Variants in ZBTB20 observed in about 807,000 individuals in gnomAD.
ZBTB20 encodes the protein zinc finger and BTB domain-containing protein 20.
A neutral mutation model predicts 56.9 loss-of-function variants in ZBTB20; 9 were observed. The ratio of observed to expected loss-of-function variants is 0.16; its 90% CI spans 0.10 to 0.28. ZBTB20 has a LOEUF of 0.28. Among genes scored for constraint, ZBTB20 ranks in the 10% least tolerant of loss-of-function variants. The pLI, the probability that ZBTB20 is intolerant of heterozygous loss-of-function variation, is 1.00. For missense variants in ZBTB20, 655 were observed against 1,003.0 expected (o/e 0.65, Z 4.69); for synonymous variants, 417 against 420.7 (o/e 0.99, Z 0.11).
chr3:114,493,126 C>T lies in ZBTB20; in HGVS notation c.-255+7226G>A, dbSNP rs116304423. On this transcript the variant is annotated intron_variant, in intron 7 of 11. Transcript: ENST00000675478. ...AGTGCTATATAGATAAGAATCGTAA[C>T]AGTACATCATCTTGAGATTAGCTTT... Among the ~76,000 whole-genome samples the T allele has an allele frequency of 9.7e-3, 1,475 of 152,300 alleles. 23 individuals carry two copies. Among genetic ancestry groups the T allele is most frequent in the African/African-American group, 0.033 (1,359 of 41,554 alleles).
chr3:114,994,461 T>A (rs2078946967), intron 2 of ZBTB20, among the ~76,000 whole-genome samples: 1 of 151,864 alleles, frequency 6.6e-6, no homozygotes, highest in South Asian at 2.1e-4. Context: ...GCACTTAGTG[T>A]CTTAGTAATA....
In ZBTB20 at chr3:114,338,448, A is replaced by G. The variant is rs2079537183; in HGVS notation, c.*557T>C. On this transcript the variant is annotated 3_prime_UTR_variant, in exon 12 of 12. Transcript: ENST00000675478. ...CCACAGCCCTTTTATGAAATCAGAC[A>G]ACGTGGTAGGTGGAAAACAGCAGGG... 1 of 152,150 alleles carries G rather than the reference A, an allele frequency of 6.6e-6. No homozygotes were observed. The highest frequency in any genetic ancestry group is 2.4e-5 in the African/African-American group (1 of 41,392). The allele number at this position is 152,150 out of a possible 1,614,324, so 9.4% of individuals were successfully genotyped here. A position where few individuals can be genotyped will look rare whatever the true frequency, so the allele number is the denominator to read the frequency against.
chr3:114,885,362 A>T (rs1436187339), intron 4 of ZBTB20, among the ~76,000 whole-genome samples: 1 of 152,138 alleles, frequency 6.6e-6, no homozygotes. Context: ...CTCAGAAAGG[A>T]CACCTACACC....
chr3:114,683,158 T>C (rs920964734), intron 6 of ZBTB20, among the ~76,000 whole-genome samples: 4 of 152,180 alleles, frequency 2.6e-5, no homozygotes, highest in African/African-American at 9.6e-5. Flanking sequence ...CCTCATCCTT[T>C]AGTTTCTTCA....
At chr3:114,813,003 C>T (rs1578986158) in intron 4 of ZBTB20, among the ~76,000 whole-genome samples, 1 of 152,228 alleles carries the variant, frequency 6.6e-6, no homozygotes, top group Middle Eastern at 3.2e-3. Flanking sequence ...CCGCAAGCAC[C>T]GCGCGCAGCC....
chr3:114,316,784 T>G lies in ZBTB20; in HGVS notation c.*22221A>C, dbSNP rs2078700946. On this transcript the variant is annotated 3_prime_UTR_variant, in exon 12 of 12. Transcript: ENST00000675478. ...AGCCCCAAGCAAGAGAAACCTGGGT[T>G]TGGTCATGCTGGGGGCTGACGTGGC... 3.3e-6 allele frequency: 1 copy of G among 303,772 alleles called. No homozygotes were observed. Among genetic ancestry groups the G allele is most frequent in the Non-Finnish European group, 6.6e-6 (1 of 151,506 alleles). 18.8% of individuals were successfully genotyped at this position (303,772 alleles called of 1,614,324 possible).
intron 1 of ZBTB20, among the ~76,000 whole-genome samples, chr3:115,079,379 C>CTTATTTATTTAT (rs150432470): frequency 2.3e-4 from 34 of 149,562 alleles, no homozygotes; most frequent in South Asian, 4.3e-4. Flanking sequence ...TCAAGTCTTT[C>CTTATTTATTTAT]TTATTTATTT....
intron 4 of ZBTB20, among the ~76,000 whole-genome samples, chr3:114,808,076 C>A (rs1394960974): frequency 6.6e-6 from 1 of 152,050 alleles, no homozygotes; most frequent in Non-Finnish European, 1.5e-5. Flanking sequence ...TAGAATTCAC[C>A]AGTGGAGTCA....
At chr3:115,002,057 A>G (rs530858160) in intron 2 of ZBTB20, among the ~76,000 whole-genome samples, 1 of 151,598 alleles carries the variant, frequency 6.6e-6, no homozygotes, top group African/African-American at 2.4e-5. Context: ...TCAATGGAAC[A>G]GAAGAGAGAG....
chr3:115,114,564 T>C (rs2083966570), intron 1 of ZBTB20, among the ~76,000 whole-genome samples: 1 of 152,146 alleles, frequency 6.6e-6, no homozygotes, highest in Non-Finnish European at 1.5e-5. Context: ...AAAGATTACA[T>C]TTGAAAGATC....
intron 2 of ZBTB20, among the ~76,000 whole-genome samples, chr3:115,055,652 T>C (rs908624141): frequency 3.3e-5 from 5 of 152,120 alleles, no homozygotes; most frequent in African/African-American, 1.2e-4. Flanking sequence ...AGATAAAGAA[T>C]ATAAAAAACA....
At chr3:114,488,949 G>A (rs1291036586) in intron 7 of ZBTB20, among the ~76,000 whole-genome samples, 1 of 152,008 alleles carries the variant, frequency 6.6e-6, no homozygotes, top group Admixed American at 6.5e-5. Flanking sequence ...GAAAAGAATA[G>A]AATACAAAAC....
At chr3:114,355,833 A>G (rs2081193408) in intron 10 of ZBTB20, among the ~76,000 whole-genome samples, 2 of 148,004 alleles carry the variant, frequency 1.4e-5, no homozygotes, top group South Asian at 2.1e-4. Context: ...GCTATTCAAG[A>G]AAAAAAAAAC....
chr3:114,604,174 T>C (rs1367849173), intron 6 of ZBTB20, among the ~76,000 whole-genome samples: 1 of 152,070 alleles, frequency 6.6e-6, no homozygotes, highest in Non-Finnish European at 1.5e-5. Flanking sequence ...TGCATTTATA[T>C]AATGGAATAC....
intron 6 of ZBTB20, among the ~76,000 whole-genome samples, chr3:114,582,739 C>T (rs1559992266): frequency 6.6e-6 from 1 of 152,182 alleles, no homozygotes; most frequent in Non-Finnish European, 1.5e-5. Flanking sequence ...ATTTTCCTAA[C>T]TAGAATTAAT....
chr3:114,489,507 A>G (rs2042501543), intron 7 of ZBTB20, among the ~76,000 whole-genome samples: 1 of 152,176 alleles, frequency 6.6e-6, no homozygotes, highest in African/African-American at 2.4e-5. Flanking sequence ...TAATTATACC[A>G]GGAAGTATTT....
chr3:114,816,637 T>G (rs1041231894), intron 4 of ZBTB20, among the ~76,000 whole-genome samples: 1 of 152,180 alleles, frequency 6.6e-6, no homozygotes, highest in Non-Finnish European at 1.5e-5. Flanking sequence ...GCCCAAAGTA[T>G]GGGAGTTTTC....
chr3:114,968,803 T>C (rs7647294), intron 3 of ZBTB20, among the ~76,000 whole-genome samples: 14,047 of 152,196 alleles, frequency 0.092, 1,900 homozygotes, highest in African/African-American at 0.3. Context: ...TCTATGGAGA[T>C]CTTCTATATC....
chr3:114,858,932 G>A (rs898653966), intron 4 of ZBTB20, among the ~76,000 whole-genome samples: 1 of 152,068 alleles, frequency 6.6e-6, no homozygotes, highest in African/African-American at 2.4e-5. Flanking sequence ...GGTATTTGAA[G>A]TATATAAGAA....
Sources: allele counts gnomAD v4.1 joint callset (sites outside exome capture counted in the v4.1 genomes callset), GRCh38; gene constraint gnomAD v4.1.1; transcripts MANE v1.5; gene names NCBI Gene and HGNC (gene_info 2026-07-23, HGNC 2026-07-21).